Variants in GPALPP1 observed in about 807,000 individuals in gnomAD.
The protein encoded by GPALPP1 is GPALPP motifs containing 1, also known as GPALPP motifs-containing protein 1.
In GPALPP1, 30 loss-of-function variants were observed where a neutral mutation model predicts 38.9. That is an observed-to-expected ratio of 0.77 (90% CI 0.58 to 1.05). GPALPP1 has a LOEUF of 1.05. Among genes scored for constraint, GPALPP1 ranks in the 50% least tolerant of loss-of-function variants. The pLI is 0.00. For synonymous variants in GPALPP1, 120 were observed against 139.2 expected (o/e 0.86, Z 0.97); for missense variants, 384 against 408.8 (o/e 0.94, Z 0.52).
chr13:45,014,255 C>A (rs569246033), intron 4 of GPALPP1, among the ~76,000 whole-genome samples: 1 of 152,218 alleles, frequency 6.6e-6, no homozygotes, highest in African/African-American at 2.4e-5. Flanking sequence ...TTTTGCATCA[C>A]CAAATATTTA....
chr13:45,015,618 T>G lies in GPALPP1; in HGVS notation c.705+22T>G, dbSNP rs376124794. The G allele has an allele frequency of 2.1e-6, 3 of 1,406,774 alleles. No homozygotes were observed. The African/African-American group carries it at 4.4e-5, about 21-fold the overall frequency. 87.1% of individuals were successfully genotyped at this position (1,406,774 alleles called of 1,614,324 possible). Reference sequence around the variant, plus strand: ...TAAGGTGAGAGGTTTTGTTTGTTTGTTCATGTATTTCTGTTCATGTTGGCT... The same window carrying G: ...TAAGGTGAGAGGTTTTGTTTGTTTGGTCATGTATTTCTGTTCATGTTGGCT... On this transcript the variant is annotated intron_variant, in intron 6 of 7. Coordinates refer to ENST00000379151, the MANE Select transcript of GPALPP1 (RefSeq NM_018559.5).
chr13:44,993,238 C>G (rs1872970338), intron 1 of GPALPP1, among the ~76,000 whole-genome samples: 1 of 152,166 alleles, frequency 6.6e-6, no homozygotes, highest in Non-Finnish European at 1.5e-5. Flanking sequence ...GTGAATAATG[C>G]TGTTATGAAC....
chr13:45,007,450 C>T (rs1396704520), intron 3 of GPALPP1, among the ~76,000 whole-genome samples: 1 of 152,132 alleles, frequency 6.6e-6, no homozygotes. Flanking sequence ...TTATCACCAC[C>T]AATCCCCTGA....
intron 6 of GPALPP1, among the ~76,000 whole-genome samples, chr13:45,019,444 G>A (rs570041678): frequency 6.6e-5 from 10 of 151,842 alleles, no homozygotes; most frequent in South Asian, 2.1e-4. Flanking sequence ...TACCACGCCC[G>A]GCCTCTTGCT....
At chr13:44,993,785 C>T (rs185566980) in intron 1 of GPALPP1, among the ~76,000 whole-genome samples, 1 of 149,990 alleles carries the variant, frequency 6.7e-6, no homozygotes, top group East Asian at 2.0e-4. Context: ...TCTCCACATC[C>T]TCCCAGTGCT....
chr13:45,032,094 T>C (rs1244467092), downstream of GPALPP1: 2 of 152,240 alleles, frequency 1.3e-5, no homozygotes, highest in Admixed American at 1.3e-4. Context: ...CTTCAAATAG[T>C]AACCACATTA....
In GPALPP1 at chr13:45,004,316, G is replaced by A. The variant is rs1254239031; in HGVS notation, c.100G>A (p.Ala34Thr). 1 of 1,612,460 alleles carries A rather than the reference G, an allele frequency of 6.2e-7. No individual in the cohort carries two copies. Among genetic ancestry groups the A allele is most frequent in the South Asian group, 1.1e-5 (1 of 90,966 alleles). Residue 34 changes from alanine (A) to threonine (T), a missense_variant, in exon 2 of 8, where the codon GCT becomes ACT. Transcript: ENST00000379151. ...ERDPSPVAGPALPPNYKSSSS... is the reference protein window; with the variant it reads ...ERDPSPVAGPTLPPNYKSSSS... ...CAAGTGTTCTTTAGTTGCAGGACCA[G>A]CTCTGCCCCCTAATTATAAAAGCAG...
In GPALPP1 at chr13:45,015,501, C is replaced by A. The variant is rs754090863; in HGVS notation, c.610C>A (p.Leu204Ile). Residue 204 changes from leucine (L) to isoleucine (I), a missense_variant, in exon 6 of 8, where the codon CTT becomes ATT. Leu to Ile is a conservative substitution (Grantham distance 5). Transcript: ENST00000379151. ...ELPPEMKDFG[L>I]GPRTFKRRAD... The stretch of plus-strand genomic sequence containing the variant: ...TCCTCCAGAAATGAAAGACTTTGGT[C>A]TTGGGCCAAGGACTTTTAAGAGAAG... The A allele has an allele frequency of 6.2e-7, 1 of 1,608,760 alleles. No individual in the cohort carries two copies. Among genetic ancestry groups the A allele is most frequent in the African/African-American group, 1.3e-5 (1 of 74,504 alleles).
chr13:45,011,866 G>A (rs542445328), intron 4 of GPALPP1, among the ~76,000 whole-genome samples: 1 of 152,276 alleles, frequency 6.6e-6, no homozygotes, highest in South Asian at 2.1e-4. Context: ...ATTACCAGAG[G>A]AAGGACTTCC....
intron 1 of GPALPP1, among the ~76,000 whole-genome samples, chr13:45,003,592 G>A (rs1012859054): frequency 4.6e-5 from 7 of 152,182 alleles, no homozygotes; most frequent in African/African-American, 1.4e-4. Flanking sequence ...GGACAGTTGT[G>A]TCTGTGTGAC....
At chr13:45,001,045 C>G (rs1037042900) in intron 1 of GPALPP1, among the ~76,000 whole-genome samples, 5 of 152,152 alleles carry the variant, frequency 3.3e-5, no homozygotes, top group African/African-American at 1.2e-4. Context: ...TGTCCCCACC[C>G]AAATCTCATC....
intron 6 of GPALPP1, 21 bp downstream of exon 6, chr13:45,015,617 G>A: frequency 7.0e-7 from 1 of 1,422,970 alleles, no homozygotes; most frequent in Non-Finnish European, 9.3e-7. Context: ...TTGTTTGTTT[G>A]TTCATGTATT....
chr13:44,993,807 G>C (rs1873038721), intron 1 of GPALPP1, among the ~76,000 whole-genome samples: 1 of 105,234 alleles, frequency 9.5e-6, no homozygotes, highest in Non-Finnish European at 2.0e-5. Flanking sequence ...GTTAATTTCT[G>C]TTTGTCTTTT....
At chr13:45,014,442 T>C (rs139875325) in intron 4 of GPALPP1, among the ~76,000 whole-genome samples, 8 of 152,292 alleles carry the variant, frequency 5.3e-5, no homozygotes, top group African/African-American at 1.9e-4. Flanking sequence ...TTGGAATGTT[T>C]CATTCTTGGA....
downstream of GPALPP1, among the ~76,000 whole-genome samples, chr13:45,032,499 G>A (rs376580101): frequency 1.1e-4 from 16 of 151,764 alleles, no homozygotes; most frequent in African/African-American, 2.9e-4. Flanking sequence ...TCCACCTCCC[G>A]AGTTCAAGCG....
chr13:44,997,053 T>C (rs1308803356), intron 1 of GPALPP1, among the ~76,000 whole-genome samples: 1 of 152,074 alleles, frequency 6.6e-6, no homozygotes. Context: ...TTTGACTACT[T>C]TAAGTACATC....
chr13:45,025,441 T>C (rs544319160), intron 7 of GPALPP1, among the ~76,000 whole-genome samples: 152 of 152,302 alleles, frequency 1.0e-3, no homozygotes, highest in African/African-American at 3.5e-3. Flanking sequence ...GTCTGTATAA[T>C]GAGAATAACA....
chr13:45,021,639 A>AT (rs1339702304), intron 7 of GPALPP1, among the ~76,000 whole-genome samples: 1 of 151,316 alleles, frequency 6.6e-6, no homozygotes, highest in Non-Finnish European at 1.5e-5. Context: ...CAAAAAAAAC[A>AT]TAAAAAAAAA....
chr13:44,995,704 T>C (rs1181008360), intron 1 of GPALPP1, among the ~76,000 whole-genome samples: 1 of 152,204 alleles, frequency 6.6e-6, no homozygotes, highest in East Asian at 1.9e-4. Flanking sequence ...TTCTGTCTTC[T>C]GTAGCAGTGC....
Sources: gnomAD v4.1 joint callset for allele counts (sites outside exome capture counted in the v4.1 genomes callset) on GRCh38, gnomAD v4.1.1 for gene constraint, MANE v1.5 for transcripts, NCBI Gene and HGNC (gene_info 2026-07-23, HGNC 2026-07-21) for gene names.